Variants in C1QTNF3 observed in about 807,000 individuals in gnomAD.
The protein encoded by C1QTNF3 is complement C1q tumor necrosis factor-related protein 3.
Under a neutral mutation model 32.6 loss-of-function variants are expected in C1QTNF3, and 26 were observed. The ratio of observed to expected loss-of-function variants is 0.80; its 90% CI spans 0.58 to 1.11. The LOEUF (loss-of-function observed/expected upper bound fraction) is 1.11, where lower values mean the gene tolerates loss of function less well. C1QTNF3 is among the 50% of genes least tolerant of loss of function. The pLI is 0.00. For synonymous variants in C1QTNF3, 155 were observed against 146.0 expected (o/e 1.06, Z -0.44); for missense variants, 362 against 398.2 (o/e 0.91, Z 0.77).
chr5:34,177,480 C>CTTTTTT, the C1QTNF3 span, among the ~76,000 whole-genome samples: 10 of 84,652 alleles, frequency 1.2e-4, no homozygotes, highest in Non-Finnish European at 1.9e-4. Context: ...CCATACCCAA[C>CTTTTTT]TTTTTTTTTT....
chr5:34,146,988 A>G, the C1QTNF3 span, among the ~76,000 whole-genome samples: 1 of 152,246 alleles, frequency 6.6e-6, no homozygotes, highest in Non-Finnish European at 1.5e-5. Flanking sequence ...AAGAATCTCA[A>G]TAAATAGGCA....
At chr5:34,064,443 C>A in the C1QTNF3 span, among the ~76,000 whole-genome samples, 67 of 152,286 alleles carry the variant, frequency 4.4e-4, 1 homozygote, top group East Asian at 0.013. Flanking sequence ...TTGGGCCATG[C>A]AGTGAGTGTT....
the C1QTNF3 span, among the ~76,000 whole-genome samples, chr5:34,163,882 G>A: frequency 3.3e-5 from 5 of 151,956 alleles, no homozygotes; most frequent in Admixed American, 6.6e-5. Flanking sequence ...GGTATCAATG[G>A]AGCATACAGA....
At chr5:34,070,102 A>G in the C1QTNF3 span, among the ~76,000 whole-genome samples, 4 of 152,334 alleles carry the variant, frequency 2.6e-5, no homozygotes, top group South Asian at 4.1e-4. Flanking sequence ...CTTATTGGAT[A>G]CACAGCTAGC....
chr5:34,215,470 G>C, the C1QTNF3 span, among the ~76,000 whole-genome samples: 1 of 152,144 alleles, frequency 6.6e-6, no homozygotes, highest in Non-Finnish European at 1.5e-5. Context: ...TGTGGTTCTG[G>C]CCTCCAGGGA....
the C1QTNF3 span, among the ~76,000 whole-genome samples, chr5:34,171,372 A>G: frequency 2.6e-5 from 4 of 151,130 alleles, no homozygotes; most frequent in Non-Finnish European, 5.9e-5. Flanking sequence ...ATACATAAAT[A>G]TATTATATAC....
chr5:34,031,031 C>T (rs977502789), intron 3 of C1QTNF3, among the ~76,000 whole-genome samples: 6 of 151,892 alleles, frequency 4.0e-5, no homozygotes, highest in African/African-American at 9.7e-5. Flanking sequence ...CAAATCCCCA[C>T]GACACAAGTT....
chr5:34,235,292 T>C, the C1QTNF3 span, among the ~76,000 whole-genome samples: 1 of 152,150 alleles, frequency 6.6e-6, no homozygotes, highest in Non-Finnish European at 1.5e-5. Flanking sequence ...TCACAAGTGG[T>C]TTCCAACAAG....
the C1QTNF3 span, among the ~76,000 whole-genome samples, chr5:34,219,000 C>T: frequency 3.9e-5 from 6 of 152,012 alleles, no homozygotes; most frequent in Non-Finnish European, 7.4e-5. Flanking sequence ...ATTCTAAATA[C>T]TTTCATTTAA....
chr5:34,222,919 T>C, the C1QTNF3 span, among the ~76,000 whole-genome samples: 1 of 151,932 alleles, frequency 6.6e-6, no homozygotes, highest in East Asian at 1.9e-4. Flanking sequence ...ACTAATGAGA[T>C]TGACTCCCTC....
At chr5:34,128,986 T>C in the C1QTNF3 span, among the ~76,000 whole-genome samples, 1 of 152,264 alleles carries the variant, frequency 6.6e-6, no homozygotes, top group South Asian at 2.1e-4. Flanking sequence ...CCAAATCTTA[T>C]CTCAAATTGT....
At chr5:34,056,473 TATATATAGAGAGAGAGAG>T in the C1QTNF3 span, among the ~76,000 whole-genome samples, 2 of 106,984 alleles carry the variant, frequency 1.9e-5, no homozygotes, top group East Asian at 2.9e-4. Context: ...TATATATATA[TATATATAGAGAGAGAGAG>T]AGAGAGAGAG....
upstream of C1QTNF3, among the ~76,000 whole-genome samples, chr5:34,046,292 A>T (rs1373644138): frequency 6.6e-6 from 1 of 152,180 alleles, no homozygotes; most frequent in Non-Finnish European, 1.5e-5. Context: ...CTGAGTCATG[A>T]ATTGCTGTTT....
At chr5:34,197,983 C>A in the C1QTNF3 span, among the ~76,000 whole-genome samples, 1 of 149,602 alleles carries the variant, frequency 6.7e-6, no homozygotes, top group Admixed American at 6.7e-5. Context: ...CATCTGTAAT[C>A]CCAGTACTTT....
chr5:34,076,809 T>C, the C1QTNF3 span, among the ~76,000 whole-genome samples: 3 of 151,534 alleles, frequency 2.0e-5, no homozygotes, highest in Non-Finnish European at 4.4e-5. Flanking sequence ...CCCAATCATA[T>C]TGGGCATTCC....
the C1QTNF3 span, among the ~76,000 whole-genome samples, chr5:34,148,268 G>C: frequency 1.4e-5 from 2 of 140,276 alleles, no homozygotes; most frequent in African/African-American, 2.7e-5. Context: ...AGGCGGCAAC[G>C]AGGCTGGGGG....
the C1QTNF3 span, among the ~76,000 whole-genome samples, chr5:34,145,620 CCTAA>C: frequency 2.7e-5 from 4 of 148,850 alleles, no homozygotes; most frequent in Non-Finnish European, 4.4e-5. Flanking sequence ...GAGACTCCTT[CCTAA>C]CTAATTTTAT....
At chr5:34,035,463 G>T (rs1182448565) in intron 2 of C1QTNF3, among the ~76,000 whole-genome samples, 184 bp downstream of exon 2, 2 of 152,244 alleles carry the variant, frequency 1.3e-5, no homozygotes, top group African/African-American at 2.4e-5. Flanking sequence ...CTATGACCTG[G>T]TCGTTTCGGA....
At chr5:34,196,951 C>T in the C1QTNF3 span, among the ~76,000 whole-genome samples, 1 of 152,298 alleles carries the variant, frequency 6.6e-6, no homozygotes, top group African/African-American at 2.4e-5. Context: ...TGAGCCACCA[C>T]GCCTGGCCAA....
Sources: allele counts gnomAD v4.1 joint callset (sites outside exome capture counted in the v4.1 genomes callset), GRCh38; gene constraint gnomAD v4.1.1; transcripts MANE v1.5; gene names NCBI Gene and HGNC (gene_info 2026-07-23, HGNC 2026-07-21).